VPS13D: variants seen among roughly 807,000 people sequenced by gnomAD.
VPS13D encodes intermembrane lipid transfer protein VPS13D.
VPS13D carries 187 observed loss-of-function variants against 461.9 expected under a neutral mutation model. The ratio of observed to expected loss-of-function variants is 0.40; its 90% CI spans 0.36 to 0.46. The LOEUF is 0.46. Among genes scored for constraint, VPS13D ranks in the 20% least tolerant of loss-of-function variants. The pLI, the probability that VPS13D is intolerant of heterozygous loss-of-function variation, is 0.60. For synonymous variants in VPS13D, 1,951 were observed against 1,986.3 expected (o/e 0.98, Z 0.47); for missense variants, 4,711 against 5,364.9 (o/e 0.88, Z 3.81).
At chr1:12,456,377 C>T (rs1469941413) in intron 66 of VPS13D, among the ~76,000 whole-genome samples, 1 of 152,030 alleles carries the variant, frequency 6.6e-6, no homozygotes, top group Non-Finnish European at 1.5e-5. Context: ...GTGGCTCAAT[C>T]CTGTAATCCC....
At chr1:12,331,536 T>C (rs559977231) in intron 37 of VPS13D, among the ~76,000 whole-genome samples, 94 of 151,154 alleles carry the variant, frequency 6.2e-4, no homozygotes, top group African/African-American at 2.1e-3. Flanking sequence ...TGAAACCCCA[T>C]CTCTACTAAA....
At chr1:12,349,847 T>TA (rs1304439155) in intron 46 of VPS13D, among the ~76,000 whole-genome samples, 2 of 152,206 alleles carry the variant, frequency 1.3e-5, no homozygotes, top group African/African-American at 4.8e-5. Context: ...GTTTTCCCAT[T>TA]ATACGGGAGT....
chr1:12,401,477 A>ATAAT (rs1644580231), intron 61 of VPS13D, 131 bp from the exon 62 acceptor site: 1 of 579,956 alleles, frequency 1.7e-6, no homozygotes, highest in African/African-American at 1.9e-5. Flanking sequence ...TAACCCAGAA[A>ATAAT]TAATTTGGCA....
intron 67 of VPS13D, among the ~76,000 whole-genome samples, chr1:12,484,959 T>A (rs1412414384): frequency 2.0e-5 from 3 of 152,182 alleles, no homozygotes; most frequent in African/African-American, 7.2e-5. Flanking sequence ...TGAGTGCATG[T>A]GCACGTGTAC....
chr1:12,455,520 A>T (rs1645314009), intron 65 of VPS13D, among the ~76,000 whole-genome samples: 1 of 152,186 alleles, frequency 6.6e-6, no homozygotes, highest in African/African-American at 2.4e-5. Context: ...AGTGTCCTCC[A>T]TTGTATGCAT....
chr1:12,502,860 T>C lies in VPS13D; in HGVS notation c.12795-3993T>C, dbSNP rs1646053319. Reference sequence around the variant, plus strand: ...GGGCACCTGTTCTCAACAGAAGAGCTACCATTAACTGCGGATCTCTTCTGT... The same window carrying C: ...GGGCACCTGTTCTCAACAGAAGAGCCACCATTAACTGCGGATCTCTTCTGT... On this transcript the variant is annotated intron_variant, in intron 68 of 69. Transcript: ENST00000620676. This position sits in a 1 kb window ranked among gnomAD's most constrained non-coding sequence, Gnocchi z 4.3. 6.6e-6 allele frequency among the ~76,000 whole-genome samples: 1 copy of C among 152,156 alleles called. No homozygotes were observed. Among genetic ancestry groups the C allele is most frequent in the South Asian group, 2.1e-4 (1 of 4,832 alleles).
rs1641349836 is a variant in VPS13D at position 12,268,774 on chromosome 1, A to T, written c.1870A>T (p.Arg624Trp). ...AAATCCGGCGCACAGCCACTTTGAGAGGCGGCTCAATGTCAGCACAAGGCC... is the reference window on the plus strand; with the variant it reads ...AAATCCGGCGCACAGCCACTTTGAGTGGCGGCTCAATGTCAGCACAAGGCC... The part of the protein sequence containing the change: ...ERNPAHSHFE[R>W]RLNVSTRPLN... The change falls in exon 16 of 70, where the codon AGG (arginine) becomes TGG (tryptophan). Residue 624 changes from arginine to tryptophan, a missense_variant. Physicochemically the swap from Arg to Trp is moderately radical, Grantham distance 101. Transcript: ENST00000620676. The T allele has an allele frequency of 6.2e-7, 1 of 1,614,082 alleles. No individual in the cohort carries two copies. The highest frequency in any genetic ancestry group is 1.7e-5 in the Admixed American group (1 of 60,006).
intron 63 of VPS13D, among the ~76,000 whole-genome samples, chr1:12,406,990 C>G (rs1482917248): frequency 2.0e-5 from 3 of 152,132 alleles, no homozygotes; most frequent in Non-Finnish European, 4.4e-5. Flanking sequence ...TTTAAAAAGC[C>G]TAAAACTGTC....
intron 5 of VPS13D, among the ~76,000 whole-genome samples, chr1:12,247,514 A>C (rs187574420): frequency 1.2e-4 from 18 of 151,592 alleles, no homozygotes; most frequent in East Asian, 5.8e-4. Flanking sequence ...AAAAAAACCC[A>C]AAAAAAACAA....
At position 12,511,204 on chromosome 1, in the gene VPS13D, A is replaced by G. The variant is rs1156320441; in HGVS notation, c.*2180A>G. 1.3e-5 allele frequency: 2 copies of G among 151,874 alleles called. No individual in the cohort carries two copies. The highest frequency in any genetic ancestry group is 2.1e-4 in the South Asian group (1 of 4,824). 9.4% of individuals were successfully genotyped at this position (151,874 alleles called of 1,614,324 possible). On this transcript the variant is annotated 3_prime_UTR_variant, in exon 70 of 70. Transcript: ENST00000620676. The surrounding 1 kb of genome is among the most constrained non-coding windows in gnomAD (Gnocchi z 4.5). ...TAATCAGCTCTTTAAATAGCTGCCCATCTCCTGTGATTGCACAACCAAGCA... is the reference window on the plus strand; with the variant it reads ...TAATCAGCTCTTTAAATAGCTGCCCGTCTCCTGTGATTGCACAACCAAGCA...
intron 60 of VPS13D, among the ~76,000 whole-genome samples, chr1:12,398,307 C>A (rs1347473678): frequency 6.6e-6 from 1 of 152,062 alleles, no homozygotes; most frequent in African/African-American, 2.4e-5. Flanking sequence ...CATTTGTATC[C>A]CACCTCTTCC....
At position 12,460,399 on chromosome 1, in the gene VPS13D, C is replaced by A; in HGVS notation, c.12662+3C>A. On this transcript the variant is annotated splice_donor_region_variant and intron_variant, in intron 67 of 69. Transcript: ENST00000620676. ...ACAGCCACACTCAGCGGCCCCAGGT[C>A]AGTGGTGTGGGAAGAATGGCTTTTG... is the stretch of plus-strand genomic sequence containing the variant. The A allele has an allele frequency of 6.3e-7, 1 of 1,579,034 alleles. No homozygotes were observed. Among genetic ancestry groups the A allele is most frequent in the South Asian group, 1.2e-5 (1 of 85,774 alleles).
At chr1:12,287,147 C>T (rs534533331) in intron 21 of VPS13D, among the ~76,000 whole-genome samples, 5 of 152,304 alleles carry the variant, frequency 3.3e-5, no homozygotes, top group East Asian at 1.9e-4. Flanking sequence ...AGGTGTGAGC[C>T]ACTGCATCCA....
rs1346632657 is a variant in VPS13D, at chr1:12,277,338, T to C, written c.3750T>C (p.Asp1250=). ...TAGGCTATGAAAATATCATCAGTGA[T>C]ATTGGCTACTTTGAATCTGTGTTTG... ...NSVGYENIIS[D]IGYFESVFVR... Residue 1250 remains aspartate (D), a synonymous_variant, in exon 19 of 70, where the codon GAT becomes GAC. Transcript: ENST00000620676. 6.2e-7 allele frequency: 1 copy of C among 1,614,238 alleles called. No individual in the cohort carries two copies. The highest frequency in any genetic ancestry group is 1.1e-5 in the South Asian group (1 of 91,080).
rs566247629 is a variant in VPS13D at position 12,483,283 on chromosome 1, G to C, written c.12663-14217G>C. ...GATACTGTACTCAGAACCAGGCATTGTTACTCTTTTAAGTCTTTGCCAATC... is the reference window on the plus strand; with the variant it reads ...GATACTGTACTCAGAACCAGGCATTCTTACTCTTTTAAGTCTTTGCCAATC... On this transcript the variant is annotated intron_variant, in intron 67 of 69. Coordinates refer to ENST00000620676, the MANE Select transcript of VPS13D (RefSeq NM_015378.4). 2.0e-4 allele frequency among the ~76,000 whole-genome samples: 30 copies of C among 152,290 alleles called. No individual in the cohort carries two copies. In the South Asian group the frequency reaches 4.3e-3, roughly 22 times the overall value.
chr1:12,284,425 A>G (rs1400741120), intron 21 of VPS13D, among the ~76,000 whole-genome samples: 1 of 152,232 alleles, frequency 6.6e-6, no homozygotes, highest in East Asian at 1.9e-4. Flanking sequence ...TACATGGATT[A>G]CCATACTTAT....
chr1:12,426,258 G>A (rs1051378235), intron 65 of VPS13D, among the ~76,000 whole-genome samples: 2 of 152,078 alleles, frequency 1.3e-5, no homozygotes, highest in African/African-American at 2.4e-5. Flanking sequence ...CTTTCCTCCC[G>A]CCTGGCCTGG....
intron 67 of VPS13D, among the ~76,000 whole-genome samples, chr1:12,465,698 G>T (rs1031289792): frequency 2.0e-5 from 3 of 152,190 alleles, no homozygotes; most frequent in Non-Finnish European, 4.4e-5. Flanking sequence ...CCTCTTAGAT[G>T]TGAAATGGAA....
At chr1:12,253,406 C>T (rs1640805720) in intron 6 of VPS13D, among the ~76,000 whole-genome samples, 1 of 152,122 alleles carries the variant, frequency 6.6e-6, no homozygotes, top group African/African-American at 2.4e-5. Context: ...TTCCTCCTAC[C>T]CGACCATTTG....
Sources: gnomAD v4.1 joint callset for allele counts (sites outside exome capture counted in the v4.1 genomes callset) on GRCh38, gnomAD v4.1.1 for gene constraint, Gnocchi (gnomAD v3.1) non-coding constraint, MANE v1.5 for transcripts, NCBI Gene and HGNC (gene_info 2026-07-23, HGNC 2026-07-21) for gene names.